DLGAP2: variants seen among roughly 807,000 people sequenced by gnomAD.
The protein encoded by DLGAP2 is DLG associated protein 2.
A neutral mutation model predicts 100.3 loss-of-function variants in DLGAP2; 26 were observed. The observed-to-expected ratio is 0.26, with a 90% confidence interval of 0.19 to 0.36. The LOEUF (loss-of-function observed/expected upper bound fraction) is 0.36. DLGAP2 is among the 10% of genes least tolerant of loss of function. DLGAP2 has a pLI of 1.00. For missense variants in DLGAP2, 1,858 were observed against 1,453.2 expected, an observed-to-expected ratio of 1.28 and a Z score of -4.53; for synonymous variants, 886 against 630.1, an observed-to-expected ratio of 1.41 and a Z score of -6.08.
chr8:1,617,557 C>A (rs1029908991), intron 6 of DLGAP2, among the ~76,000 whole-genome samples: 1 of 152,126 alleles, frequency 6.6e-6, no homozygotes, highest in Admixed American at 6.6e-5. Context: ...GTTCTTTGCC[C>A]ACATTGTTTT....
intron 1 of DLGAP2, among the ~76,000 whole-genome samples, chr8:791,071 C>T (rs1822014397): frequency 6.6e-6 from 1 of 152,196 alleles, no homozygotes; most frequent in Non-Finnish European, 1.5e-5. Context: ...CATTCTTTGT[C>T]ATTGTGAAAA....
At chr8:1,456,648 A>G (rs969222052) in intron 3 of DLGAP2, among the ~76,000 whole-genome samples, 1 of 152,246 alleles carries the variant, frequency 6.6e-6, no homozygotes, top group Non-Finnish European at 1.5e-5. Context: ...AAATTGCATC[A>G]TTAGAAAAAT....
At chr8:1,085,058 G>A (rs79367487) in intron 2 of DLGAP2, among the ~76,000 whole-genome samples, 21,448 of 152,188 alleles carry the variant, frequency 0.14, 1,933 homozygotes, top group Non-Finnish European at 0.2. Context: ...ATAGCCATTC[G>A]AACAAGTGTG....
At chr8:849,333 T>C (rs955616529) in intron 1 of DLGAP2, among the ~76,000 whole-genome samples, 1 of 152,356 alleles carries the variant, frequency 6.6e-6, no homozygotes, top group African/African-American at 2.4e-5. Flanking sequence ...AGCCGGTGTT[T>C]CTATGGATTC....
chr8:1,197,602 A>T (rs544447496), intron 2 of DLGAP2, among the ~76,000 whole-genome samples: 4 of 151,340 alleles, frequency 2.6e-5, no homozygotes, highest in African/African-American at 9.7e-5. Flanking sequence ...AGCGAAGCCA[A>T]TGTGGAGCAT....
At chr8:1,263,533 G>A (rs556616961) in intron 3 of DLGAP2, among the ~76,000 whole-genome samples, 2 of 152,282 alleles carry the variant, frequency 1.3e-5, no homozygotes, top group East Asian at 3.9e-4. Flanking sequence ...AAGTTTTCGT[G>A]CAGTTAGTAG....
intron 4 of DLGAP2, among the ~76,000 whole-genome samples, chr8:1,503,565 T>G (rs1218068626): frequency 6.6e-6 from 1 of 152,092 alleles, no homozygotes; most frequent in Non-Finnish European, 1.5e-5. Context: ...TGAATGGTAC[T>G]GCTGTGAACA....
intron 2 of DLGAP2, among the ~76,000 whole-genome samples, chr8:1,150,052 C>T (rs953032327): frequency 2.0e-5 from 3 of 152,240 alleles, no homozygotes; most frequent in African/African-American, 7.2e-5. Context: ...TAGTGACCCA[C>T]ATATTCACCT....
In DLGAP2 at chr8:1,549,234, G is replaced by C. The variant is rs767334645; in HGVS notation, c.781G>C (p.Gly261Arg). 6.2e-7 allele frequency: 1 copy of C among 1,606,448 alleles called. No individual in the cohort carries two copies. The change falls in exon 5 of 15, where the codon GGC becomes CGC. Residue 261 changes from glycine to arginine, a missense_variant. Transcript: ENST00000637795. ...CAACGCCAACGGCACCAAGGCGGAC[G>C]GCCGGGCGGACGACCACCACCACGC... ...KSNANGTKAD[G>R]RADDHHHAHH...
intron 3 of DLGAP2, among the ~76,000 whole-genome samples, chr8:1,432,274 G>T (rs544006271): frequency 2.0e-5 from 3 of 152,320 alleles, no homozygotes; most frequent in Admixed American, 1.3e-4. Flanking sequence ...GATTGGCTTT[G>T]CTTCCTCTAC....
chr8:1,467,061 G>C (rs909384135), intron 3 of DLGAP2, among the ~76,000 whole-genome samples: 23 of 152,118 alleles, frequency 1.5e-4, no homozygotes, highest in Non-Finnish European at 2.9e-4. Context: ...TAAAGAAGAC[G>C]GATGCCCGGC....
chr8:1,652,382 G>A lies in DLGAP2; in HGVS notation c.1811-15947G>A, dbSNP rs976696431. Among the ~76,000 whole-genome samples the A allele has an allele frequency of 3.3e-5, 5 of 152,130 alleles. 1 individual carries two copies. The highest frequency in any genetic ancestry group is 1.2e-4 in the African/African-American group (5 of 41,432). ...GTTTTCCTCGCTGCTGAATTCCCGT[G>A]CCTAGAACAGTGCTTGGCACATAGT... is the stretch of plus-strand genomic sequence containing the variant. On this transcript the variant is annotated intron_variant, in intron 8 of 14. Coordinates refer to ENST00000637795, the MANE Select transcript of DLGAP2 (RefSeq NM_001346810.2).
At chr8:1,465,646 G>A (rs1451420412) in intron 3 of DLGAP2, among the ~76,000 whole-genome samples, 1 of 152,230 alleles carries the variant, frequency 6.6e-6, no homozygotes, top group African/African-American at 2.4e-5. Flanking sequence ...CCCAGTGCTA[G>A]GGCGTTTTGT....
intron 2 of DLGAP2, among the ~76,000 whole-genome samples, chr8:1,061,173 C>T (rs1803070166): frequency 6.6e-6 from 1 of 152,184 alleles, no homozygotes; most frequent in Non-Finnish European, 1.5e-5. Flanking sequence ...GCCAGCCAGC[C>T]TTGTTCGTGG....
intron 2 of DLGAP2, among the ~76,000 whole-genome samples, chr8:1,128,746 A>G (rs1231005592): frequency 1.3e-5 from 2 of 152,206 alleles, no homozygotes; most frequent in Admixed American, 6.5e-5. Flanking sequence ...GAAGCATAGA[A>G]CTTAGTGACT....
intron 2 of DLGAP2, among the ~76,000 whole-genome samples, chr8:1,089,450 C>A (rs1398057941): frequency 6.6e-6 from 1 of 152,182 alleles, no homozygotes; most frequent in Non-Finnish European, 1.5e-5. Flanking sequence ...CATCAGGGGC[C>A]TGAATGGGCC....
In DLGAP2 at chr8:923,765, G is replaced by A. The variant is rs114821001; in HGVS notation, c.73+15799G>A. On this transcript the variant is annotated intron_variant, in intron 2 of 14. Coordinates refer to ENST00000637795, the MANE Select transcript of DLGAP2 (RefSeq NM_001346810.2). ...CTGTTCCTGGAGAAATAATGTAGGA[G>A]GAAAGCGTAACTAATTAAGGGAAAA... Among the ~76,000 whole-genome samples the A allele has an allele frequency of 9.4e-3, 1,437 of 152,226 alleles. 26 individuals carry two copies. Among genetic ancestry groups the A allele is most frequent in the African/African-American group, 0.032 (1,343 of 41,534 alleles).
intron 3 of DLGAP2, among the ~76,000 whole-genome samples, chr8:1,299,027 T>G (rs956980174): frequency 6.6e-6 from 1 of 152,222 alleles, no homozygotes; most frequent in Non-Finnish European, 1.5e-5. Flanking sequence ...CAAAGGCTGT[T>G]ACTGCCATCC....
chr8:1,556,391 G>T (rs1464322385), intron 5 of DLGAP2, among the ~76,000 whole-genome samples: 1 of 152,184 alleles, frequency 6.6e-6, no homozygotes, highest in Non-Finnish European at 1.5e-5. Context: ...GGTGGACGGG[G>T]TTTGGCTCTG....
Sources: gnomAD v4.1 joint callset for allele counts (sites outside exome capture counted in the v4.1 genomes callset) on GRCh38, gnomAD v4.1.1 for gene constraint, MANE v1.5 for transcripts, NCBI Gene and HGNC (gene_info 2026-07-23, HGNC 2026-07-21) for gene names.